Variants in DIAPH2 observed in about 807,000 individuals in gnomAD.
DIAPH2 encodes diaphanous related formin 2.
A neutral mutation model predicts 92.7 loss-of-function variants in DIAPH2; 35 were observed. That is an observed-to-expected ratio of 0.38 (90% confidence interval 0.29 to 0.50). DIAPH2 has a LOEUF of 0.50. DIAPH2 is among the 20% of genes least tolerant of loss of function. DIAPH2 has a pLI of 0.94. For missense variants in DIAPH2, 701 were observed against 819.5 expected (o/e 0.86, Z 1.77); for synonymous variants, 301 against 280.4 (o/e 1.07, Z -0.73).
Position 96,904,731 on chromosome X carries a change from G to A in DIAPH2, c.588-7597G>A, listed in dbSNP as rs1282833517. Among the ~76,000 whole-genome samples the A allele has an allele frequency of 2.7e-5, 3 of 110,883 alleles. No individual in the cohort carries two copies. The East Asian group carries it at 8.5e-4, about 31-fold the overall frequency. ...CACATGGAACTCTTTCTTTCCTTAA[G>A]TGTATGCAACTAAAATTTGGTTTTA... On this transcript the variant is annotated intron_variant, in intron 5 of 26. Coordinates refer to ENST00000324765, the MANE Select transcript of DIAPH2 (RefSeq NM_006729.5).
At chrX:97,185,486 T>TATATATATATATATATATACAC (rs2067593341) in intron 22 of DIAPH2, among the ~76,000 whole-genome samples, 1 of 14,742 alleles carries the variant, frequency 6.8e-5, no homozygotes, top group Non-Finnish European at 1.4e-4. Flanking sequence ...TATATATATA[T>TATATATATATATATATATACAC]ATATATATAT....
At chrX:97,532,065 C>G (rs188139383) in intron 26 of DIAPH2, among the ~76,000 whole-genome samples, 124 of 112,694 alleles carry the variant, frequency 1.1e-3, no homozygotes, top group African/African-American at 3.9e-3. Flanking sequence ...AGAGCTTCCA[C>G]GATGATTAGA....
In DIAPH2 at chrX:97,318,686, T is replaced by G. The variant is rs768463865; in HGVS notation, c.2845-29430T>G. ...TTTTAGTACAGACAAAGTTTCACCA[T>G]GTTGGCCAGGTTGGTCTCGAACCCC... On this transcript the variant is annotated intron_variant, in intron 23 of 26. Transcript: ENST00000324765. Among the ~76,000 whole-genome samples, 8 of 107,862 alleles carry G rather than the reference T, an allele frequency of 7.4e-5. No homozygotes were observed. The South Asian group carries it at 2.9e-3, about 39-fold the overall frequency. The allele number at this position is 107,862 out of a possible 115,157, so 93.7% of individuals were successfully genotyped here.
At chrX:96,971,244 A>G (rs1363926941) in intron 17 of DIAPH2, among the ~76,000 whole-genome samples, 2 of 112,224 alleles carry the variant, frequency 1.8e-5, no homozygotes, top group Non-Finnish European at 3.8e-5. Context: ...CAGAGGAAAT[A>G]AATTCACACA....
intron 9 of DIAPH2, among the ~76,000 whole-genome samples, chrX:96,922,223 A>G (rs1251103236): frequency 9.0e-6 from 1 of 111,453 alleles, no homozygotes; most frequent in Non-Finnish European, 1.9e-5. Flanking sequence ...ACGTGCTTTA[A>G]CTACTAAGCT....
chrX:96,724,690 T>C (rs1199019084), intron 1 of DIAPH2, among the ~76,000 whole-genome samples: 1 of 112,147 alleles, frequency 8.9e-6, no homozygotes, highest in Non-Finnish European at 1.9e-5. Context: ...GATCTATATA[T>C]TGATTATATA....
chrX:96,754,548 T>C (rs1035041373), intron 3 of DIAPH2, among the ~76,000 whole-genome samples: 3 of 111,204 alleles, frequency 2.7e-5, no homozygotes, highest in Non-Finnish European at 5.7e-5. Flanking sequence ...TGTCCAATCA[T>C]TGAAGGAAAA....
chrX:97,128,003 A>G (rs747072483), intron 21 of DIAPH2, among the ~76,000 whole-genome samples: 1 of 111,424 alleles, frequency 9.0e-6, no homozygotes, highest in East Asian at 2.8e-4. Flanking sequence ...TGAGACTGTT[A>G]CAAGAAAGGG....
At chrX:97,082,960 G>T (rs1199210379) in intron 19 of DIAPH2, among the ~76,000 whole-genome samples, 1 of 111,709 alleles carries the variant, frequency 9.0e-6, no homozygotes. Flanking sequence ...AAGCTTATTG[G>T]CTAGTCATAT....
chrX:96,793,980 A>G (rs2064520270), intron 4 of DIAPH2, among the ~76,000 whole-genome samples: 2 of 111,887 alleles, frequency 1.8e-5, no homozygotes, highest in Non-Finnish European at 3.8e-5. Flanking sequence ...TCAGGCTGCT[A>G]TAACAAAATA....
chrX:97,364,759 G>GTTTTTTTTTGTTTTTTTTTTTTTTTT (rs1279508605), intron 24 of DIAPH2, among the ~76,000 whole-genome samples: 1 of 56,593 alleles, frequency 1.8e-5, no homozygotes, highest in African/African-American at 5.8e-5. Flanking sequence ...GTCTCCTGGT[G>GTTTTTTTTTGTTTTTTTTTTTTTTTT]TTTTTTTTTT....
intron 25 of DIAPH2, among the ~76,000 whole-genome samples, chrX:97,393,640 A>G (rs2069679874): frequency 9.0e-6 from 1 of 111,540 alleles, no homozygotes; most frequent in Admixed American, 9.5e-5. Context: ...AGGGACCACT[A>G]AAAAAAAGAT....
At position 96,916,418 on chromosome X, in the gene DIAPH2, T is replaced by G; in HGVS notation, c.733-20T>G. 3.0e-6 allele frequency: 1 copy of G among 329,509 alleles called. No homozygotes were observed. Among genetic ancestry groups the G allele is most frequent in the Non-Finnish European group, 3.9e-6 (1 of 256,963 alleles). 27.2% of individuals were successfully genotyped at this position (329,509 alleles called of 1,213,427 possible). A position where few individuals can be genotyped will look rare whatever the true frequency, so the allele number is the denominator to read the frequency against. On this transcript the variant is annotated intron_variant, in intron 7 of 26. Coordinates refer to ENST00000324765, the MANE Select transcript of DIAPH2 (RefSeq NM_006729.5). ...ATTCCATAGACATTCTGAATGAAGG[T>G]TTTTTTTTTTTTTTTTTAGTTTGGA... is the stretch of plus-strand genomic sequence containing the variant.
chrX:96,987,186 T>C (rs2066038100), intron 17 of DIAPH2, among the ~76,000 whole-genome samples: 1 of 111,441 alleles, frequency 9.0e-6, no homozygotes, highest in African/African-American at 3.2e-5. Context: ...CTTATATCAA[T>C]TGATGTTTGG....
intron 4 of DIAPH2, among the ~76,000 whole-genome samples, chrX:96,788,877 C>G (rs898468124): frequency 3.6e-5 from 4 of 112,252 alleles, no homozygotes; most frequent in Non-Finnish European, 7.5e-5. Flanking sequence ...CATTAGATGA[C>G]AAGCAATTTG....
intron 23 of DIAPH2, among the ~76,000 whole-genome samples, chrX:97,315,839 G>A (rs1415301745): frequency 9.0e-6 from 1 of 111,299 alleles, no homozygotes. Context: ...AATGAGAGAT[G>A]TGTAGAGTGC....
chrX:97,044,210 C>T (rs1469020528), intron 17 of DIAPH2, among the ~76,000 whole-genome samples: 1 of 111,296 alleles, frequency 9.0e-6, no homozygotes, highest in Non-Finnish European at 1.9e-5. Context: ...GAAAAATCCA[C>T]CAAACTGGTA....
intron 22 of DIAPH2, among the ~76,000 whole-genome samples, chrX:97,183,689 TA>T (rs2067558120): frequency 8.9e-6 from 1 of 112,350 alleles, no homozygotes; most frequent in Non-Finnish European, 1.9e-5. Flanking sequence ...AGATTTTCTT[TA>T]GAACCATTTT....
At chrX:96,735,631 C>T in intron 1 of DIAPH2, 127 bp from the exon 2 acceptor site, 1 of 429,765 alleles carries the variant, frequency 2.3e-6, no homozygotes. Flanking sequence ...TATGTTTGAA[C>T]TTTCTGATTC....
Sources: allele counts gnomAD v4.1 joint callset (sites outside exome capture counted in the v4.1 genomes callset), GRCh38; gene constraint gnomAD v4.1.1; transcripts MANE v1.5; gene names NCBI Gene and HGNC (gene_info 2026-07-23, HGNC 2026-07-21).